REXO4: variants seen among roughly 807,000 people sequenced by gnomAD.
REXO4 encodes the protein RNA exonuclease 4, also known as REX4 homolog, 3'-5' exonuclease.
A neutral mutation model predicts 39.9 loss-of-function variants in REXO4; 29 were observed. The ratio of observed to expected loss-of-function variants is 0.73; its 90% CI spans 0.54 to 0.99. The LOEUF (loss-of-function observed/expected upper bound fraction) is 0.99, where lower values mean the gene tolerates loss of function less well. REXO4 is among the 50% of genes least tolerant of loss of function. The pLI, the probability that REXO4 is intolerant of heterozygous loss-of-function variation, is 0.00. For missense variants in REXO4, 524 were observed against 546.5 expected, an observed-to-expected ratio of 0.96 and a Z score of 0.41; for synonymous variants, 184 against 206.2, an observed-to-expected ratio of 0.89 and a Z score of 0.92.
intron 2 of REXO4, chr9:133,414,430 G>T (rs587695021): frequency 1.7e-5 from 12 of 687,896 alleles, no homozygotes; most frequent in Non-Finnish European, 3.2e-5. Flanking sequence ...TTCCACACAC[G>T]TGTACTGGCA....
intron 1 of REXO4, among the ~76,000 whole-genome samples, chr9:133,416,730 G>A (rs587643623): frequency 6.6e-6 from 1 of 152,206 alleles, no homozygotes; most frequent in Non-Finnish European, 1.5e-5. Context: ...CAGCCACCTG[G>A]TTCCCAGCCG....
chr9:133,406,925 G>A lies in REXO4; in HGVS notation c.*28C>T, dbSNP rs189498072. 2.5e-4 allele frequency: 408 copies of A among 1,607,308 alleles called. No homozygotes were observed. The African/African-American group carries it at 4.7e-3, about 19-fold the overall frequency. Reference sequence around the variant, plus strand: ...GACTGGTCACATTGCCTCTGTAGCGGGGCGGCAGCAGCAGCAGGGCAGGAC... The same window carrying A: ...GACTGGTCACATTGCCTCTGTAGCGAGGCGGCAGCAGCAGCAGGGCAGGAC... On this transcript the variant is annotated 3_prime_UTR_variant, in exon 8 of 8. Transcript: ENST00000371942.
At position 133,406,596 on chromosome 9, in the gene REXO4, C is replaced by T; in HGVS notation, c.*357G>A. 1 of 297,938 alleles carries T rather than the reference C, an allele frequency of 3.4e-6. No individual in the cohort carries two copies. The highest frequency in any genetic ancestry group is 6.6e-6 in the Non-Finnish European group (1 of 151,262). 18.5% of individuals were successfully genotyped at this position (297,938 alleles called of 1,614,324 possible). A position where few individuals can be genotyped will look rare whatever the true frequency, so the allele number is the denominator to read the frequency against. On this transcript the variant is annotated 3_prime_UTR_variant, in exon 8 of 8. Transcript: ENST00000371942. Reference sequence around the variant, plus strand: ...GAGAGGAAGGTGCTGAGCACCTCACCCCAGGGTGTCACCGAAGATGGGCAG... The same window carrying T: ...GAGAGGAAGGTGCTGAGCACCTCACTCCAGGGTGTCACCGAAGATGGGCAG...
At chr9:133,417,549 A>G (rs1839729631) in intron 1 of REXO4, 71 bp downstream of exon 1, 4 of 1,514,262 alleles carry the variant, frequency 2.6e-6, no homozygotes, top group South Asian at 2.3e-5. Context: ...GGGCTACCCA[A>G]GTCTTTCCCT....
chr9:133,416,050 T>C (rs1554781500), intron 1 of REXO4: 1 of 152,256 alleles, frequency 6.6e-6, no homozygotes, highest in Non-Finnish European at 1.5e-5. Flanking sequence ...TGGTAATTTA[T>C]AAAGAAAAAA....
chr9:133,411,848 C>T (rs1554780183), intron 4 of REXO4, among the ~76,000 whole-genome samples: 1 of 152,050 alleles, frequency 6.6e-6, no homozygotes, highest in East Asian at 1.9e-4. Context: ...ATCGCTTGAA[C>T]CCAGGAGGCG....
Position 133,406,746 on chromosome 9 carries a change from GC to G in REXO4, c.*206del. 1 of 716,292 alleles carries G rather than the reference GC, an allele frequency of 1.4e-6. No homozygotes were observed. Among genetic ancestry groups the G allele is most frequent in the African/African-American group, 1.8e-5 (1 of 56,042 alleles). The allele number at this position is 716,292 out of a possible 1,614,324, so 44.4% of individuals were successfully genotyped here. A position where few individuals can be genotyped will look rare whatever the true frequency, so the allele number is the denominator to read the frequency against. On this transcript the variant is annotated 3_prime_UTR_variant, in exon 8 of 8. Coordinates refer to ENST00000371942, the MANE Select transcript of REXO4 (RefSeq NM_020385.4). ...CCTGCTCCCCACCCTGACCATCCGG[GC>G]CCAAACACACATGGACAGTAAGACC...
intron 7 of REXO4, 84 bp downstream of exon 7, chr9:133,407,723 C>A: frequency 5.6e-6 from 6 of 1,063,734 alleles, no homozygotes; most frequent in East Asian, 2.6e-5. Context: ...CCACCTCCCC[C>A]ATGTCTGTGT....
At chr9:133,407,696 A>G in intron 7 of REXO4, 111 bp downstream of exon 7, 1 of 720,514 alleles carries the variant, frequency 1.4e-6, no homozygotes. Context: ...CTCGTAGGAT[A>G]AGTAGGTGCC....
chr9:133,408,965 T>C (rs1839070270), intron 5 of REXO4, 123 bp from the exon 6 acceptor site: 1 of 527,078 alleles, frequency 1.9e-6, no homozygotes, highest in Non-Finnish European at 3.4e-6. Context: ...TGTGTGTGTG[T>C]GTGTGTGTGT....
chr9:133,417,582 G>A, intron 1 of REXO4, 38 bp downstream of exon 1: 7 of 1,599,070 alleles, frequency 4.4e-6, no homozygotes, highest in Non-Finnish European at 6.0e-6. Flanking sequence ...GCGGGAATGA[G>A]CTGCGCAGCG....
rs369600656 is a variant in REXO4 at position 133,417,574 on chromosome 9, G to A, written c.225+46C>T. ...AGTCTTTCCCTCCGTCGCGTTCTGC[G>A]GGAATGAGCTGCGCAGCGCTCCGCC... On this transcript the variant is annotated intron_variant, in intron 1 of 7. Transcript: ENST00000371942. 7 of 1,587,046 alleles carry A rather than the reference G, an allele frequency of 4.4e-6. No individual in the cohort carries two copies. In the African/African-American group the frequency reaches 5.4e-5, roughly 12 times the overall value.
chr9:133,407,989 C>T, intron 6 of REXO4, 108 bp from the exon 7 acceptor site: 2 of 776,110 alleles, frequency 2.6e-6, no homozygotes, highest in Non-Finnish European at 4.2e-6. Flanking sequence ...AAGCGACCTA[C>T]AGTTTGCCTC....
rs587767377 is a variant in REXO4 at position 133,406,930 on chromosome 9, G to T, written c.*23C>A. On this transcript the variant is annotated 3_prime_UTR_variant, in exon 8 of 8. Transcript: ENST00000371942. Reference sequence around the variant, plus strand: ...GTCACATTGCCTCTGTAGCGGGGCGGCAGCAGCAGCAGGGCAGGACTGCTA... The same window carrying T: ...GTCACATTGCCTCTGTAGCGGGGCGTCAGCAGCAGCAGGGCAGGACTGCTA... 3 of 1,604,426 alleles carry T rather than the reference G, an allele frequency of 1.9e-6. No individual in the cohort carries two copies. The highest frequency in any genetic ancestry group is 1.3e-5 in the African/African-American group (1 of 74,954).
chr9:133,417,967 G>C lies in REXO4; in HGVS notation c.-123C>G. 1 of 916,282 alleles carries C rather than the reference G, an allele frequency of 1.1e-6. No homozygotes were observed. The highest frequency in any genetic ancestry group is 1.6e-6 in the Non-Finnish European group (1 of 621,772). The allele number at this position is 916,282 out of a possible 1,614,324, so 56.8% of individuals were successfully genotyped here. On this transcript the variant is annotated 5_prime_UTR_variant, in exon 1 of 8. Transcript: ENST00000371942. The stretch of plus-strand genomic sequence containing the variant: ...GAAACACACCCACCGCAGGGACCCC[G>C]TCCAGGAAAAGACTCCGGAAGAGAC...
chr9:133,407,571 A>G (rs1564390183), intron 7 of REXO4, among the ~76,000 whole-genome samples: 2 of 152,232 alleles, frequency 1.3e-5, no homozygotes. Flanking sequence ...TTTTCTCCAA[A>G]TAACGAGAAT....
At chr9:133,412,117 T>C (rs1315305682) in intron 4 of REXO4, among the ~76,000 whole-genome samples, 182 bp downstream of exon 4, 1 of 151,700 alleles carries the variant, frequency 6.6e-6, no homozygotes, top group African/African-American at 2.4e-5. Flanking sequence ...GTGCAAGGCA[T>C]AAATGGGTGT....
In REXO4 at chr9:133,407,820, G is replaced by A. The variant is rs1342123031; in HGVS notation, c.1136C>T (p.Ala379Val). The change falls in exon 7 of 8, where the codon GCG becomes GTG. Residue 379 changes from alanine to valine, a missense_variant. Transcript: ENST00000371942. ...GGACACACTTACTGAACAGTGCTCC[G>A]CCTGCTGGACCTGGAGCCCAAGGAT... ...EKILGLQVQQ[A>V]EHCSIQDAQA... 8.1e-6 allele frequency: 13 copies of A among 1,613,598 alleles called. No individual in the cohort carries two copies. The highest frequency in any genetic ancestry group is 2.2e-5 in the East Asian group (1 of 44,862).
chr9:133,417,989 A>G lies in REXO4; in HGVS notation c.-145T>C. The G allele has an allele frequency of 1.4e-6, 1 of 725,838 alleles. No individual in the cohort carries two copies. Among genetic ancestry groups the G allele is most frequent in the Non-Finnish European group, 2.2e-6 (1 of 451,708 alleles). The allele number at this position is 725,838 out of a possible 1,614,324, so 45.0% of individuals were successfully genotyped here. On this transcript the variant is annotated 5_prime_UTR_variant, in exon 1 of 8. Coordinates refer to ENST00000371942, the MANE Select transcript of REXO4 (RefSeq NM_020385.4). ...CCCGTCCAGGAAAAGACTCCGGAAG[A>G]GACCCCGCACGCGTTGCGCATACCT...
Sources: allele counts gnomAD v4.1 joint callset (sites outside exome capture counted in the v4.1 genomes callset), GRCh38; gene constraint gnomAD v4.1.1; transcripts MANE v1.5; gene names NCBI Gene and HGNC (gene_info 2026-07-23, HGNC 2026-07-21).